The following GRIP1 variants were observed in gnomAD, a reference collection of about 807,000 sequenced individuals.
The protein encoded by GRIP1 is glutamate receptor interacting protein 1.
Under a neutral mutation model 129.9 loss-of-function variants are expected in GRIP1, and 45 were observed. The observed-to-expected ratio is 0.35, with a 90% CI of 0.27 to 0.44. The LOEUF (loss-of-function observed/expected upper bound fraction) is 0.44, where lower values mean the gene tolerates loss of function less well. Ranked by LOEUF, GRIP1 falls within the 20% of genes least tolerant of loss-of-function variation. The probability of loss-of-function intolerance (pLI) is 1.00; values close to 1 mark genes in which losing one functional copy is unlikely to be tolerated. For synonymous variants in GRIP1, 530 were observed against 520.8 expected (o/e 1.02, Z -0.24); for missense variants, 1,196 against 1,396.8 (o/e 0.86, Z 2.29).
chr12:66,482,768 T>C (rs1036004248), intron 7 of GRIP1, among the ~76,000 whole-genome samples: 2 of 151,936 alleles, frequency 1.3e-5, no homozygotes, highest in Non-Finnish European at 2.9e-5. Context: ...AAGAGAAAAA[T>C]TGGAGTGTGT....
At chr12:66,735,604 T>C (rs2036569322) in intron 1 of GRIP1, among the ~76,000 whole-genome samples, 1 of 151,850 alleles carries the variant, frequency 6.6e-6, no homozygotes, top group African/African-American at 2.4e-5. Flanking sequence ...AAAGTTTAAG[T>C]GGCAGCAGGA....
intron 1 of GRIP1, among the ~76,000 whole-genome samples, chr12:67,013,354 A>G (rs1245175354): frequency 1.3e-5 from 2 of 152,332 alleles, no homozygotes; most frequent in East Asian, 3.9e-4. Context: ...AACAATGAAC[A>G]TATATTACTT....
intron 1 of GRIP1, among the ~76,000 whole-genome samples, chr12:67,012,835 T>TCAAAAG (rs1459024417): frequency 2.0e-5 from 3 of 152,160 alleles, no homozygotes; most frequent in Non-Finnish European, 4.4e-5. Context: ...GATAAACCCC[T>TCAAAAG]CAAAAGCAAT....
rs764865345 is a variant in GRIP1 at position 66,347,573 on chromosome 12, G to GTAT, written c.*1443_*1445dup. 4.6e-5 allele frequency: 7 copies of GTAT among 152,038 alleles called. No individual in the cohort carries two copies. The highest frequency in any genetic ancestry group is 5.9e-5 in the Non-Finnish European group (4 of 68,012). The allele number at this position is 152,038 out of a possible 1,614,324, so 9.4% of individuals were successfully genotyped here. On this transcript the variant is annotated 3_prime_UTR_variant, in exon 25 of 25. Coordinates refer to ENST00000359742, the MANE Select transcript of GRIP1 (RefSeq NM_001366722.1). Reference sequence around the variant, plus strand: ...AGACGATAAATACCATGCTATTAAAGTATTAAATTTGTACAAAAATACTTT... The same window carrying GTAT: ...AGACGATAAATACCATGCTATTAAAGTATTATTAAATTTGTACAAAAATACTTT...
intron 2 of GRIP1, among the ~76,000 whole-genome samples, chr12:66,549,495 G>C (rs2062056064): frequency 6.6e-6 from 1 of 152,066 alleles, no homozygotes; most frequent in Non-Finnish European, 1.5e-5. Context: ...TTTTGGTGGT[G>C]CCACTAGGAA....
At chr12:66,729,583 T>TG (rs1565991811) in intron 1 of GRIP1, among the ~76,000 whole-genome samples, 1 of 151,392 alleles carries the variant, frequency 6.6e-6, no homozygotes, top group African/African-American at 2.4e-5. Context: ...AGGATACATA[T>TG]TTTTTTTTGA....
chr12:67,058,580 G>A (rs530446650), intron 1 of GRIP1, among the ~76,000 whole-genome samples: 12 of 152,288 alleles, frequency 7.9e-5, no homozygotes, highest in South Asian at 2.1e-4. Flanking sequence ...GTGTTCATAC[G>A]TTTGCCGATA....
Position 66,789,376 on chromosome 12 carries a change from C to T in GRIP1, c.-420+14677G>A, listed in dbSNP as rs138941042. On this transcript the variant is annotated intron_variant, in intron 1 of 4. Transcript: ENST00000538373. The stretch of plus-strand genomic sequence containing the variant: ...CACTAGTTGTGTGACACTGGATAAG[C>T]CATTTAAATTTTCAGTGCTTTTGTT... Among the ~76,000 whole-genome samples, 594 of 152,128 alleles carry T rather than the reference C, an allele frequency of 3.9e-3. 4 individuals are homozygous for T. The highest frequency in any genetic ancestry group is 6.8e-3 in the Middle Eastern group (2 of 294).
chr12:67,068,650 T>C (rs2043673988), intron 1 of GRIP1, among the ~76,000 whole-genome samples: 1 of 151,494 alleles, frequency 6.6e-6, no homozygotes, highest in Non-Finnish European at 1.5e-5. Flanking sequence ...GTTTGAAAAG[T>C]CACTTAAAGC....
chr12:66,404,261 GA>G (rs1197399454), intron 16 of GRIP1, among the ~76,000 whole-genome samples: 3 of 152,160 alleles, frequency 2.0e-5, no homozygotes, highest in African/African-American at 7.2e-5. Flanking sequence ...TGCAACTATA[GA>G]TTTTTTTTTA....
intron 1 of GRIP1, among the ~76,000 whole-genome samples, chr12:66,851,063 G>T (rs2039902974): frequency 6.6e-6 from 1 of 150,936 alleles, no homozygotes; most frequent in Non-Finnish European, 1.5e-5. Flanking sequence ...CAAATAGTAG[G>T]CGCTGAATAA....
chr12:66,450,175 G>C (rs1359298684), intron 11 of GRIP1, among the ~76,000 whole-genome samples: 1 of 151,522 alleles, frequency 6.6e-6, no homozygotes, highest in Non-Finnish European at 1.5e-5. Flanking sequence ...GTGGTGGCAG[G>C]CGCCTGTAGT....
intron 1 of GRIP1, among the ~76,000 whole-genome samples, chr12:66,813,535 C>T (rs893896579): frequency 1.3e-5 from 2 of 152,142 alleles, no homozygotes; most frequent in African/African-American, 4.8e-5. Flanking sequence ...GGAAGTGACT[C>T]TGGGGGCTAT....
chr12:66,901,692 C>A (rs2040846639), intron 1 of GRIP1, among the ~76,000 whole-genome samples: 1 of 152,162 alleles, frequency 6.6e-6, no homozygotes, highest in South Asian at 2.1e-4. Flanking sequence ...CTACCTGAGA[C>A]TTACTGTTCT....
At chr12:66,380,666 A>G (rs893293032) in intron 19 of GRIP1, among the ~76,000 whole-genome samples, 2 of 152,230 alleles carry the variant, frequency 1.3e-5, no homozygotes. Context: ...AAGTATTTAC[A>G]TTTTGTGAGA....
At chr12:66,960,275 A>T (rs1216866352) in intron 1 of GRIP1, among the ~76,000 whole-genome samples, 1 of 152,140 alleles carries the variant, frequency 6.6e-6, no homozygotes, top group African/African-American at 2.4e-5. Context: ...GCATTAGATG[A>T]TGATGGTTTG....
At position 66,801,650 on chromosome 12, in the gene GRIP1, T is replaced by A. The variant is rs2136915809; in HGVS notation, c.-420+2403A>T. Reference sequence around the variant, plus strand: ...ACAGGGAGGACAGACTTGGAGAATTTTCTGGGAGGTTCTTTTTAGCTGACT... The same window carrying A: ...ACAGGGAGGACAGACTTGGAGAATTATCTGGGAGGTTCTTTTTAGCTGACT... On this transcript the variant is annotated intron_variant, in intron 1 of 4. Transcript: ENST00000538373. Among the ~76,000 whole-genome samples, 2 of 152,224 alleles carry A rather than the reference T, an allele frequency of 1.3e-5. 1 individual carries two copies. The highest frequency in any genetic ancestry group is 4.1e-4 in the South Asian group (2 of 4,828).
At chr12:66,720,934 T>C (rs751444030) in intron 1 of GRIP1, among the ~76,000 whole-genome samples, 9 of 152,306 alleles carry the variant, frequency 5.9e-5, no homozygotes, top group Non-Finnish European at 7.4e-5. Flanking sequence ...TCTAGAATGG[T>C]GATTCCTTTC....
At chr12:67,051,778 T>C (rs757564292) in intron 1 of GRIP1, among the ~76,000 whole-genome samples, 4 of 152,226 alleles carry the variant, frequency 2.6e-5, no homozygotes, top group Non-Finnish European at 5.9e-5. Flanking sequence ...GAAAGAAGCT[T>C]TGCTGTTTTT....
Sources: gnomAD v4.1 joint callset for allele counts (sites outside exome capture counted in the v4.1 genomes callset) on GRCh38, gnomAD v4.1.1 for gene constraint, MANE v1.5 for transcripts, NCBI Gene and HGNC (gene_info 2026-07-23, HGNC 2026-07-21) for gene names.